Variants in PLCXD1 observed in about 807,000 individuals in gnomAD.
PLCXD1 encodes the protein PI-PLC X domain-containing protein 1.
A neutral mutation model predicts 37.8 loss-of-function variants in PLCXD1; 45 were observed. The ratio of observed to expected loss-of-function variants is 1.19; its 90% CI spans 0.94 to 1.53. The LOEUF is 1.53. Ranked by LOEUF, PLCXD1 falls within the 40% of genes most tolerant of loss-of-function variation. The pLI, the probability that PLCXD1 is intolerant of heterozygous loss-of-function variation, is 0.00. For synonymous variants in PLCXD1, 246 were observed against 206.9 expected, an observed-to-expected ratio of 1.19 and a Z score of -1.62; for missense variants, 539 against 454.7, an observed-to-expected ratio of 1.19 and a Z score of -1.69.
upstream of PLCXD1, among the ~76,000 whole-genome samples, chrX:276,748 C>T (rs958279817): frequency 9.3e-4 from 142 of 152,262 alleles, no homozygotes; most frequent in African/African-American, 3.2e-3. Context: ...ACCCTGCCGC[C>T]GGGGCCTGCG....
intron 2 of PLCXD1, among the ~76,000 whole-genome samples, chrX:286,838 T>C (rs2069462550): frequency 6.6e-6 from 1 of 152,134 alleles, no homozygotes; most frequent in Non-Finnish European, 1.5e-5. Flanking sequence ...TGCTTTCTCC[T>C]GTCTTATAAA....
In PLCXD1 at chrX:302,176, T is replaced by C. The variant is rs1463377592; in HGVS notation, c.*2841T>C. 6.6e-6 allele frequency: 1 copy of C among 151,940 alleles called. No homozygotes were observed. Among genetic ancestry groups the C allele is most frequent in the Non-Finnish European group, 1.5e-5 (1 of 68,082 alleles). 9.4% of individuals were successfully genotyped at this position (151,940 alleles called of 1,614,324 possible). ...CTGCGTGGTGTGGCAGCGTCTTCTC[T>C]CGGGAAGGGTCAGGAGTAATTTCTT... is the stretch of plus-strand genomic sequence containing the variant. On this transcript the variant is annotated 3_prime_UTR_variant, in exon 7 of 7. Transcript: ENST00000381657.
chrX:279,684 G>A (rs769278295), upstream of PLCXD1, among the ~76,000 whole-genome samples: 4 of 151,378 alleles, frequency 2.6e-5, 1 homozygote, highest in Admixed American at 1.3e-4. Flanking sequence ...TGAGGCAGGC[G>A]AATAGCTTGA....
intron 2 of PLCXD1, among the ~76,000 whole-genome samples, chrX:287,835 T>G (rs1171938269): frequency 6.6e-6 from 1 of 151,754 alleles, no homozygotes; most frequent in Non-Finnish European, 1.5e-5. Context: ...CAGCCATCAG[T>G]CAAACTCTAC....
intron 5 of PLCXD1, among the ~76,000 whole-genome samples, chrX:292,414 G>C (rs931007671): frequency 6.6e-6 from 1 of 151,912 alleles, no homozygotes; most frequent in Admixed American, 6.6e-5. Context: ...AGCCGAGATC[G>C]CGCCACTGCA....
rs138589342 is a variant in PLCXD1, at chrX:284,247, C to T, written c.60C>T (p.Asn20=). 9.7e-5 allele frequency: 156 copies of T among 1,613,600 alleles called. No homozygotes were observed. In the African/African-American group the frequency reaches 1.3e-3, roughly 14 times the overall value. The change falls in exon 2 of 7, where the codon AAC becomes AAT. Residue 20 remains asparagine, a synonymous_variant. Coordinates refer to ENST00000381657, the MANE Select transcript of PLCXD1 (RefSeq NM_018390.4). ...CGAGGCTGCACTGCAGAAATGCCAACGAGGACTGGATGTCGGCACTGTGTC... is the reference window on the plus strand; with the variant it reads ...CGAGGCTGCACTGCAGAAATGCCAATGAGGACTGGATGTCGGCACTGTGTC... The part of the protein sequence containing the change: ...SFSRLHCRNA[N]EDWMSALCPR...
At chrX:285,641 G>A (rs1193391548) in intron 2 of PLCXD1, among the ~76,000 whole-genome samples, 5 of 151,338 alleles carry the variant, frequency 3.3e-5, no homozygotes, top group Admixed American at 6.6e-5. Flanking sequence ...ATGCACACGC[G>A]TGTACACACA....
intron 1 of PLCXD1, among the ~76,000 whole-genome samples, chrX:281,965 C>T (rs375030631): frequency 2.5e-4 from 38 of 152,130 alleles, no homozygotes; most frequent in African/African-American, 7.5e-4. Context: ...CCAGGCTGGT[C>T]TCGAACCCCT....
Position 298,650 on chromosome X carries a change from A to G in PLCXD1, c.734-447A>G, listed in dbSNP as rs1445321631. Among the ~76,000 whole-genome samples the G allele has an allele frequency of 3.9e-4, 18 of 45,802 alleles. 3 individuals carry two copies. The highest frequency in any genetic ancestry group is 3.3e-3 in the Admixed American group (18 of 5,408). 30.0% of individuals were successfully genotyped at this position (45,802 alleles called of 152,430 possible). On this transcript the variant is annotated intron_variant, in intron 6 of 6. Transcript: ENST00000381657. ...TTGGGGACATTATTCTGTCTCCCAC[A>G]TGGGGATTAGGACGTGGACATCTTT...
intron 2 of PLCXD1, among the ~76,000 whole-genome samples, chrX:285,095 C>G (rs1420738265): frequency 1.4e-5 from 2 of 145,910 alleles, no homozygotes; most frequent in Admixed American, 6.9e-5. Context: ...CAGGCACACA[C>G]AGACACATAC....
At chrX:287,805 T>G (rs2069506190) in intron 2 of PLCXD1, among the ~76,000 whole-genome samples, 1 of 151,292 alleles carries the variant, frequency 6.6e-6, no homozygotes, top group Non-Finnish European at 1.5e-5. Context: ...CTACGTGTCA[T>G]AGGCAGGAAA....
At chrX:293,347 C>A in intron 6 of PLCXD1, 129 bp downstream of exon 6, 1 of 714,756 alleles carries the variant, frequency 1.4e-6, no homozygotes, top group Non-Finnish European at 2.3e-6. Context: ...ATGAGCTGGG[C>A]GTGGTAATCC....
At chrX:286,157 T>C (rs2069446641) in intron 2 of PLCXD1, among the ~76,000 whole-genome samples, 1 of 151,914 alleles carries the variant, frequency 6.6e-6, no homozygotes, top group African/African-American at 2.4e-5. Context: ...CTCTGCCTCC[T>C]GGGTTCAAGC....
chrX:284,503 CAT>C (rs1031620193), intron 2 of PLCXD1, among the ~76,000 whole-genome samples, 189 bp downstream of exon 2: 14 of 152,152 alleles, frequency 9.2e-5, no homozygotes, highest in South Asian at 8.3e-4. Flanking sequence ...TGTGCATACA[CAT>C]ATGTACATAG....
chrX:276,898 C>T (rs1266563898), upstream of PLCXD1, among the ~76,000 whole-genome samples: 2 of 152,200 alleles, frequency 1.3e-5, no homozygotes, highest in African/African-American at 4.8e-5. Flanking sequence ...CGGCCACTCA[C>T]GCCTCTGGGA....
intron 2 of PLCXD1, among the ~76,000 whole-genome samples, chrX:288,166 A>C (rs1377861491): frequency 6.6e-6 from 1 of 151,526 alleles, no homozygotes; most frequent in African/African-American, 2.4e-5. Flanking sequence ...AGATGACTTC[A>C]TCTTGAGCAT....
chrX:296,926 G>C (rs2069832411), intron 6 of PLCXD1, among the ~76,000 whole-genome samples: 1 of 126,156 alleles, frequency 7.9e-6, no homozygotes, highest in African/African-American at 3.3e-5. Context: ...CCATTATTCT[G>C]TCTATCACAT....
chrX:298,859 T>C lies in PLCXD1; in HGVS notation c.734-238T>C, dbSNP rs369890020. 9.9e-3 allele frequency among the ~76,000 whole-genome samples: 1,418 copies of C among 142,816 alleles called. 1 individual carries two copies. Among genetic ancestry groups the C allele is most frequent in the East Asian group, 0.032 (153 of 4,724 alleles). 93.7% of individuals were successfully genotyped at this position (142,816 alleles called of 152,430 possible). A position where few individuals can be genotyped will look rare whatever the true frequency, so the allele number is the denominator to read the frequency against. On this transcript the variant is annotated intron_variant, in intron 6 of 6. Coordinates refer to ENST00000381657, the MANE Select transcript of PLCXD1 (RefSeq NM_018390.4). ...TCTGTCTATCACATGGGGATTAGGATGTGGACATCTTTGGGGACATTATTC... is the reference window on the plus strand; with the variant it reads ...TCTGTCTATCACATGGGGATTAGGACGTGGACATCTTTGGGGACATTATTC...
rs751485973 is a variant in PLCXD1 at position 291,486 on chromosome X, C to T, written c.394-13C>T. 11 of 1,611,600 alleles carry T rather than the reference C, an allele frequency of 6.8e-6. No individual in the cohort carries two copies. The highest frequency in any genetic ancestry group is 9.3e-6 in the Non-Finnish European group (11 of 1,179,468). On this transcript the variant is annotated splice_polypyrimidine_tract_variant and intron_variant, in intron 4 of 6. Transcript: ENST00000381657. ...GAGTCGTGCAGGACTCAGCCCAGCA[C>T]CCCCCTCCCCAGGACACACTCACGG... is the stretch of plus-strand genomic sequence containing the variant.
Sources: allele counts gnomAD v4.1 joint callset (sites outside exome capture counted in the v4.1 genomes callset), GRCh38; gene constraint gnomAD v4.1.1; transcripts MANE v1.5; gene names NCBI Gene and HGNC (gene_info 2026-07-23, HGNC 2026-07-21).